Variants in ARHGEF1 observed in about 807,000 individuals in gnomAD.
ARHGEF1 encodes the protein Rho guanine nucleotide exchange factor 1, also known as 115 kDa guanine nucleotide exchange factor.
In ARHGEF1, 40 loss-of-function variants were observed where a neutral mutation model predicts 119.7. The ratio of observed to expected loss-of-function variants is 0.33; its 90% CI spans 0.26 to 0.44. The LOEUF (loss-of-function observed/expected upper bound fraction) is 0.44. ARHGEF1 is among the 20% of genes least tolerant of loss of function. The pLI is 1.00. For missense variants in ARHGEF1, 976 were observed against 1,268.3 expected (o/e 0.77, Z 3.50); for synonymous variants, 494 against 521.0 (o/e 0.95, Z 0.71).
At chr19:41,915,249 C>T (rs899057265) in intron 18 of ARHGEF1, among the ~76,000 whole-genome samples, 7 of 150,258 alleles carry the variant, frequency 4.7e-5, no homozygotes, top group African/African-American at 1.7e-4. Context: ...GTGGGATCGG[C>T]GCTCCGGGCC....
In ARHGEF1 at chr19:41,903,623, TG is replaced by T; in HGVS notation, c.1840-82del. The T allele has an allele frequency of 6.8e-7, 1 of 1,466,912 alleles. No homozygotes were observed. The highest frequency in any genetic ancestry group is 9.4e-7 in the Non-Finnish European group (1 of 1,062,284). The allele number at this position is 1,466,912 out of a possible 1,614,324, so 90.9% of individuals were successfully genotyped here. A position where few individuals can be genotyped will look rare whatever the true frequency, so the allele number is the denominator to read the frequency against. On this transcript the variant is annotated intron_variant, in intron 19 of 28. Coordinates refer to ENST00000354532, the MANE Select transcript of ARHGEF1 (RefSeq NM_004706.4). The surrounding 1 kb of genome is among the most constrained non-coding windows in gnomAD (Gnocchi z 4.2). ...GCTTGCCCGCATCAGAAGTTGGTCT[TG>T]GCTCTCATCTTACCAATGTGGGTCA...
chr19:41,909,091 A>T, downstream of ARHGEF1: 1 of 1,230,858 alleles, frequency 8.1e-7, no homozygotes, highest in Non-Finnish European at 1.0e-6. This position sits in a 1 kb window ranked among gnomAD's most constrained non-coding sequence, Gnocchi z 5.2. Context: ...GGCTGTCCAG[A>T]CGCAATTTAT....
intron 1 of ARHGEF1, 124 bp from the exon 2 acceptor site, chr19:41,887,940 G>A: frequency 9.0e-7 from 1 of 1,114,394 alleles, no homozygotes; most frequent in Non-Finnish European, 1.3e-6. Flanking sequence ...GCCCCATTGA[G>A]CTGCGGAGGC....
At chr19:41,919,536 C>CACACAT (rs1780738568), upstream of ARHGEF1, among the ~76,000 whole-genome samples, 1 of 151,908 alleles carries the variant, frequency 6.6e-6, no homozygotes, top group African/African-American at 2.4e-5. Context: ...CACACACACA[C>CACACAT]GTCCACATCT....
chr19:41,892,294 A>G lies in ARHGEF1; in HGVS notation c.325-37A>G. 6.2e-7 allele frequency: 1 copy of G among 1,612,850 alleles called. No individual in the cohort carries two copies. The highest frequency in any genetic ancestry group is 8.5e-7 in the Non-Finnish European group (1 of 1,179,766). ...CTCCCGGCCTGCATCTCAGCACACC[A>G]AGTCCTCCTCTTCACCCCATTCTCT... On this transcript the variant is annotated intron_variant, in intron 5 of 28. Transcript: ENST00000354532. This position sits in a 1 kb window ranked among gnomAD's most constrained non-coding sequence, Gnocchi z 6.3.
In ARHGEF1 at chr19:41,917,861, C is replaced by A. The variant is rs116907767; in HGVS notation, c.1866-5231C>A. On this transcript the variant is annotated intron_variant, in intron 18 of 20. Transcript: ENST00000599589. The surrounding 1 kb of genome is among the most constrained non-coding windows in gnomAD (Gnocchi z 4.8). ...CCAGCCCCACCCATCTGTTGCCACA[C>A]AAACGAGCCCCCAACACCCTGTCCC... Among the ~76,000 whole-genome samples, 207 of 152,134 alleles carry A rather than the reference C, an allele frequency of 1.4e-3. 1 individual carries two copies. In the East Asian group the frequency reaches 0.038, roughly 28 times the overall value.
chr19:41,901,974 TC>T lies in ARHGEF1; in HGVS notation c.1359del (p.Leu454TrpfsTer25), dbSNP rs1555849103. ...FFQPMAECLF[F>X]PLEELQNIFP... ...CAGCCCATGGCAGAATGCCTGTTCT[TC>T]CCCTTGGAGGAGCTGCAGAACATCT... On this transcript the variant is annotated frameshift_variant, in exon 15 of 29. Transcript: ENST00000354532. LOFTEE classifies it high-confidence loss of function. The T allele has an allele frequency of 6.2e-7, 1 of 1,614,012 alleles. No individual in the cohort carries two copies. The highest frequency in any genetic ancestry group is 1.7e-5 in the Admixed American group (1 of 60,018).
upstream of ARHGEF1, among the ~76,000 whole-genome samples, chr19:41,921,619 C>G (rs964361779): frequency 9.2e-5 from 14 of 151,946 alleles, no homozygotes; most frequent in African/African-American, 3.1e-4. This position sits in a 1 kb window ranked among gnomAD's most constrained non-coding sequence, Gnocchi z 4.4. Flanking sequence ...GAGCGAGGGC[C>G]GCACCGGAGA....
At position 41,928,574 on chromosome 19, in the gene ARHGEF1, C is replaced by T. The variant is rs981342329; in HGVS notation, c.141-257C>T. On this transcript the variant is annotated intron_variant, in intron 1 of 2. Coordinates refer to the ARHGEF1 transcript ENST00000594417. ...GCCCTCGCGGCCGCCCGGCCGGGCT[C>T]GGCTCGCAGATATATGGAGGCGGCG... 1.8e-5 allele frequency: 3 copies of T among 166,612 alleles called. No homozygotes were observed. The South Asian group carries it at 3.7e-4, about 21-fold the overall frequency. The allele number at this position is 166,612 out of a possible 1,614,324, so 10.3% of individuals were successfully genotyped here.
At chr19:41,897,992 C>T (rs1367865975) in intron 13 of ARHGEF1, 4 of 1,322,318 alleles carry the variant, frequency 3.0e-6, no homozygotes, top group Non-Finnish European at 2.9e-6. Flanking sequence ...GGTGAGTGAC[C>T]GCCGCCGGCC....
intron 13 of ARHGEF1, chr19:41,898,052 A>G: frequency 7.5e-7 from 1 of 1,337,930 alleles, no homozygotes; most frequent in African/African-American, 1.5e-5. Context: ...CCGCTCCCGG[A>G]GCGACGTGGA....
chr19:41,895,550 C>G (rs1278949092), intron 12 of ARHGEF1, 64 bp downstream of exon 12: 14 of 1,502,310 alleles, frequency 9.3e-6, no homozygotes, highest in Non-Finnish European at 1.3e-5. Flanking sequence ...TGCTGCCTGC[C>G]CCCTTGGCAC....
At position 41,894,211 on chromosome 19, in the gene ARHGEF1, G is replaced by C; in HGVS notation, c.649G>C (p.Ala217Pro). The C allele has an allele frequency of 6.5e-7, 1 of 1,531,164 alleles. No individual in the cohort carries two copies. Among genetic ancestry groups the C allele is most frequent in the Non-Finnish European group, 8.8e-7 (1 of 1,137,244 alleles). 94.8% of individuals were successfully genotyped at this position (1,531,164 alleles called of 1,614,324 possible). A position where few individuals can be genotyped will look rare whatever the true frequency, so the allele number is the denominator to read the frequency against. The change falls in exon 9 of 29, where the codon GCC becomes CCC. Residue 217 changes from alanine (A) to proline (P), a missense_variant. Transcript: ENST00000354532. ...TISTDEEKSA[A>P]VVNAIGLYMR... is the part of the protein sequence containing the mutation. Reference sequence around the variant, plus strand: ...CTCACTGTCCCTTCCCTACAGTGCTGCCGTGGTCAACGCCATTGGCCTGTA... The same window carrying C: ...CTCACTGTCCCTTCCCTACAGTGCTCCCGTGGTCAACGCCATTGGCCTGTA...
chr19:41,916,790 A>T lies in ARHGEF1; in HGVS notation c.1866-6302A>T, dbSNP rs982443025. Among the ~76,000 whole-genome samples, 4 of 152,024 alleles carry T rather than the reference A, an allele frequency of 2.6e-5. No individual in the cohort carries two copies. The highest frequency in any genetic ancestry group is 4.4e-5 in the Non-Finnish European group (3 of 67,994). ...CGGCCACACACACACCCATTCACAG[A>T]CACAGTCACAATCACACACACACAC... On this transcript the variant is annotated intron_variant, in intron 18 of 20. Transcript: ENST00000599589. The surrounding 1 kb of genome is among the most constrained non-coding windows in gnomAD (Gnocchi z 5.4).
chr19:41,926,671 G>T (rs1170318884), intron 1 of ARHGEF1, among the ~76,000 whole-genome samples: 8 of 152,132 alleles, frequency 5.3e-5, no homozygotes, highest in Non-Finnish European at 1.2e-4. Context: ...CCCTGAGGCT[G>T]CTTGGCGATG....
downstream of ARHGEF1, chr19:41,908,263 TG>T (rs1216275352): frequency 1.6e-6 from 2 of 1,231,558 alleles, no homozygotes. This position sits in a 1 kb window ranked among gnomAD's most constrained non-coding sequence, Gnocchi z 6.7. Context: ...GCCTTTGCCT[TG>T]GGGGGTGCCG....
chr19:41,888,961 G>A lies in ARHGEF1; in HGVS notation c.225+96G>A. The A allele has an allele frequency of 1.9e-6, 2 of 1,026,996 alleles. No individual in the cohort carries two copies. Among genetic ancestry groups the A allele is most frequent in the Non-Finnish European group, 2.8e-6 (2 of 703,924 alleles). 63.6% of individuals were successfully genotyped at this position (1,026,996 alleles called of 1,614,324 possible). A position where few individuals can be genotyped will look rare whatever the true frequency, so the allele number is the denominator to read the frequency against. The stretch of plus-strand genomic sequence containing the variant: ...CAGCGAGCTAGTGCCTGGAGGGTCT[G>A]GAAAAGCAGATCTAGAACACAGAGA... On this transcript the variant is annotated intron_variant, in intron 4 of 28. Transcript: ENST00000354532. This position sits in a 1 kb window ranked among gnomAD's most constrained non-coding sequence, Gnocchi z 5.1.
At chr19:41,910,691 T>C (rs1555851165), downstream of ARHGEF1, among the ~76,000 whole-genome samples, 1 of 152,188 alleles carries the variant, frequency 6.6e-6, no homozygotes, top group Non-Finnish European at 1.5e-5. The surrounding 1 kb of genome is among the most constrained non-coding windows in gnomAD (Gnocchi z 4.4). Context: ...TCCATGCCCA[T>C]GTCCGTCCAA....
Position 41,896,468 on chromosome 19 carries a change from G to A in ARHGEF1, c.1107G>A (p.Gly369=). ...SLAPPESTDE[G]AETESPEPGD... ...CGCCCCCAGAGAGTACCGACGAGGGGGCCGAAACCGAGAGGTGCCCAGGCT... is the reference window on the plus strand; with the variant it reads ...CGCCCCCAGAGAGTACCGACGAGGGAGCCGAAACCGAGAGGTGCCCAGGCT... Residue 369 remains glycine (G), a synonymous_variant, in exon 13 of 29, where the codon GGG becomes GGA. Transcript: ENST00000354532. 2 of 1,487,744 alleles carry A rather than the reference G, an allele frequency of 1.3e-6. No homozygotes were observed. The highest frequency in any genetic ancestry group is 1.8e-6 in the Non-Finnish European group (2 of 1,118,024). The allele number at this position is 1,487,744 out of a possible 1,614,324, so 92.2% of individuals were successfully genotyped here.
Sources: gnomAD v4.1 joint callset for allele counts (sites outside exome capture counted in the v4.1 genomes callset) on GRCh38, gnomAD v4.1.1 for gene constraint, Gnocchi (gnomAD v3.1) non-coding constraint, MANE v1.5 for transcripts, NCBI Gene and HGNC (gene_info 2026-07-23, HGNC 2026-07-21) for gene names.